ZNF385B: variants seen among roughly 807,000 people sequenced by gnomAD.
ZNF385B encodes zinc finger protein 385B.
In ZNF385B, 23 loss-of-function variants were observed where a neutral mutation model predicts 39.2. The observed-to-expected ratio is 0.59, with a 90% CI of 0.42 to 0.83. The LOEUF is 0.83. Ranked by LOEUF, ZNF385B falls within the 40% of genes least tolerant of loss-of-function variation. The probability of loss-of-function intolerance (pLI) is 0.00; values close to 1 mark genes in which losing one functional copy is unlikely to be tolerated. For synonymous variants in ZNF385B, 205 were observed against 222.6 expected (o/e 0.92, Z 0.70); for missense variants, 552 against 598.9 (o/e 0.92, Z 0.82).
At chr2:179,810,488 CA>C (rs1198664098) in intron 1 of ZNF385B, among the ~76,000 whole-genome samples, 1 of 151,728 alleles carries the variant, frequency 6.6e-6, no homozygotes, top group Non-Finnish European at 1.5e-5. Context: ...CAAAAAATCA[CA>C]AAAATTATTT....
At chr2:179,710,276 C>G (rs544288910) in intron 3 of ZNF385B, among the ~76,000 whole-genome samples, 1 of 152,104 alleles carries the variant, frequency 6.6e-6, no homozygotes, top group Non-Finnish European at 1.5e-5. Flanking sequence ...GACAGTATAC[C>G]TTTGCCCCAA....
chr2:179,637,795 AT>A (rs917708256), intron 3 of ZNF385B, among the ~76,000 whole-genome samples: 1 of 152,240 alleles, frequency 6.6e-6, no homozygotes. Flanking sequence ...ACCGCTCCAT[AT>A]TGCCCTGCAG....
At chr2:179,579,532 A>G (rs966818369) in intron 3 of ZNF385B, among the ~76,000 whole-genome samples, 13 of 152,064 alleles carry the variant, frequency 8.5e-5, no homozygotes, top group African/African-American at 3.1e-4. Flanking sequence ...AGGCATGAAT[A>G]TATACATGAA....
At chr2:179,619,539 C>A in intron 3 of ZNF385B, among the ~76,000 whole-genome samples, 1 of 152,272 alleles carries the variant, frequency 6.6e-6, no homozygotes, top group Non-Finnish European at 1.5e-5. Flanking sequence ...CTCTAGGGTT[C>A]CACACAGCAG....
chr2:179,693,265 C>T (rs1698488228), intron 3 of ZNF385B, among the ~76,000 whole-genome samples: 1 of 152,200 alleles, frequency 6.6e-6, no homozygotes, highest in South Asian at 2.1e-4. Flanking sequence ...TAGCAATTCT[C>T]ATCTAACCCA....
chr2:179,494,378 G>A lies in ZNF385B; in HGVS notation c.553-10944C>T, dbSNP rs896629787. Among the ~76,000 whole-genome samples the A allele has an allele frequency of 2.6e-5, 4 of 152,148 alleles. No individual in the cohort carries two copies. The South Asian group carries it at 8.3e-4, about 32-fold the overall frequency. On this transcript the variant is annotated intron_variant, in intron 5 of 9. Transcript: ENST00000410066. ...GAACCAACCATGTGTGTACAGTGGA[G>A]AGGCTCGGGGTGAGGCAAAGTAGAA...
At chr2:179,718,950 C>G (rs1201640173) in intron 3 of ZNF385B, among the ~76,000 whole-genome samples, 3 of 149,938 alleles carry the variant, frequency 2.0e-5, no homozygotes, top group South Asian at 4.2e-4. Context: ...CTTTAAAACT[C>G]TGTGTGTGTG....
intron 6 of ZNF385B, among the ~76,000 whole-genome samples, chr2:179,455,218 T>C (rs1364878028): frequency 6.6e-6 from 1 of 152,142 alleles, no homozygotes; most frequent in Non-Finnish European, 1.5e-5. Flanking sequence ...CCTACAGTAT[T>C]TAGTACAGTA....
At chr2:179,633,169 T>C (rs367777845) in intron 3 of ZNF385B, among the ~76,000 whole-genome samples, 40 of 152,068 alleles carry the variant, frequency 2.6e-4, no homozygotes, top group African/African-American at 8.2e-4. Context: ...TTCCAATCAA[T>C]AGAAAAAGAG....
chr2:179,767,284 A>G (rs1703757444), intron 3 of ZNF385B, among the ~76,000 whole-genome samples: 1 of 152,086 alleles, frequency 6.6e-6, no homozygotes, highest in African/African-American at 2.4e-5. Flanking sequence ...TCAATTAAGA[A>G]CAGCATTGCC....
intron 4 of ZNF385B, among the ~76,000 whole-genome samples, chr2:179,538,437 A>T (rs763835562): frequency 3.3e-5 from 5 of 152,188 alleles, no homozygotes; most frequent in African/African-American, 9.6e-5. Flanking sequence ...AAGCAAAGCA[A>T]ATGTGAATTT....
intron 6 of ZNF385B, among the ~76,000 whole-genome samples, chr2:179,466,689 G>A (rs556113418): frequency 1.3e-5 from 2 of 152,080 alleles, no homozygotes; most frequent in Admixed American, 1.3e-4. Context: ...GGGAGGCCAA[G>A]GTGGGCAGAT....
chr2:179,640,251 G>T (rs1323223943), intron 3 of ZNF385B, among the ~76,000 whole-genome samples: 1 of 152,126 alleles, frequency 6.6e-6, no homozygotes, highest in Non-Finnish European at 1.5e-5. Context: ...TGACAAAACG[G>T]CAGGCTATAT....
At chr2:179,635,922 T>A (rs1691710735) in intron 3 of ZNF385B, among the ~76,000 whole-genome samples, 1 of 152,196 alleles carries the variant, frequency 6.6e-6, no homozygotes, top group Non-Finnish European at 1.5e-5. Flanking sequence ...TTATGGTTTG[T>A]GCCTTATCAG....
chr2:179,567,001 G>A (rs1684667153), intron 3 of ZNF385B, among the ~76,000 whole-genome samples: 2 of 146,206 alleles, frequency 1.4e-5, no homozygotes, highest in Non-Finnish European at 1.5e-5. Flanking sequence ...TGCAACCTCC[G>A]CCTCCTGGGT....
chr2:179,727,643 A>G (rs1701106297), intron 3 of ZNF385B, among the ~76,000 whole-genome samples: 1 of 152,104 alleles, frequency 6.6e-6, no homozygotes, highest in South Asian at 2.1e-4. Context: ...TATACAACAT[A>G]AGAATAAACT....
At chr2:179,493,655 A>G (rs1288676213) in intron 5 of ZNF385B, among the ~76,000 whole-genome samples, 2 of 131,190 alleles carry the variant, frequency 1.5e-5, no homozygotes, top group East Asian at 2.6e-4. Context: ...ATGCGTATAC[A>G]TATATGTATA....
chr2:179,547,277 A>C (rs1178163791), intron 3 of ZNF385B, among the ~76,000 whole-genome samples: 1 of 149,548 alleles, frequency 6.7e-6, no homozygotes, highest in Non-Finnish European at 1.5e-5. Context: ...GTATTACTCA[A>C]GAAATTTTTG....
intron 3 of ZNF385B, among the ~76,000 whole-genome samples, chr2:179,559,195 C>G (rs1473650738): frequency 6.6e-6 from 1 of 152,158 alleles, no homozygotes; most frequent in East Asian, 1.9e-4. Context: ...TGAGCAGGAA[C>G]AACCTAGTGA....
Sources: gnomAD v4.1 joint callset for allele counts (sites outside exome capture counted in the v4.1 genomes callset) on GRCh38, gnomAD v4.1.1 for gene constraint, MANE v1.5 for transcripts, NCBI Gene and HGNC (gene_info 2026-07-23, HGNC 2026-07-21) for gene names.